CLEC1A: variants seen among roughly 807,000 people sequenced by gnomAD.
CLEC1A encodes the protein C-type lectin domain family 1 member A.
A neutral mutation model predicts 28.7 loss-of-function variants in CLEC1A; 34 were observed. The ratio of observed to expected loss-of-function variants is 1.18; its 90% CI spans 0.90 to 1.57. The LOEUF (loss-of-function observed/expected upper bound fraction) is 1.57, where lower values mean the gene tolerates loss of function less well. Among genes scored for constraint, CLEC1A ranks in the 40% most tolerant of loss-of-function variants. The pLI is 0.00. For missense variants in CLEC1A, 385 were observed against 339.5 expected (o/e 1.13, Z -1.05); for synonymous variants, 116 against 121.0 (o/e 0.96, Z 0.27).
chr12:10,082,321 A>G lies in CLEC1A; in HGVS notation c.215-908T>C, dbSNP rs1277762047. On this transcript the variant is annotated intron_variant, in intron 2 of 5. Coordinates refer to ENST00000315330, the MANE Select transcript of CLEC1A (RefSeq NM_016511.4). Reference sequence around the variant, plus strand: ...AGAGCCCCAGGCATGAGCTGCCAGGATATAAACTTCGTGGTGTTGGTGGGG... The same window carrying G: ...AGAGCCCCAGGCATGAGCTGCCAGGGTATAAACTTCGTGGTGTTGGTGGGG... Among the ~76,000 whole-genome samples, 23 of 152,206 alleles carry G rather than the reference A, an allele frequency of 1.5e-4. No homozygotes were observed. The East Asian group carries it at 4.5e-3, about 29-fold the overall frequency.
chr12:10,098,677 A>G, intron 1 of CLEC1A, 131 bp downstream of exon 1: 1 of 590,594 alleles, frequency 1.7e-6, no homozygotes, highest in Non-Finnish European at 3.0e-6. Context: ...AATCACTACT[A>G]TGTCACAGGG....
intron 2 of CLEC1A, among the ~76,000 whole-genome samples, chr12:10,082,137 G>A (rs1468595442): frequency 6.6e-6 from 1 of 152,110 alleles, no homozygotes; most frequent in Non-Finnish European, 1.5e-5. Flanking sequence ...AATTTCAACT[G>A]GATATGAATT....
intron 2 of CLEC1A, among the ~76,000 whole-genome samples, chr12:10,088,179 T>C (rs1057173782): frequency 1.3e-5 from 2 of 152,176 alleles, no homozygotes; most frequent in African/African-American, 4.8e-5. Flanking sequence ...AGATTTGAAA[T>C]TCAGGTCTCT....
intron 5 of CLEC1A, among the ~76,000 whole-genome samples, chr12:10,072,364 G>C (rs752767658): frequency 2.6e-5 from 4 of 152,172 alleles, no homozygotes; most frequent in Non-Finnish European, 4.4e-5. Flanking sequence ...ATTCATTTAT[G>C]CTGATGCAAA....
At chr12:10,077,338 T>C (rs542146255) in intron 3 of CLEC1A, among the ~76,000 whole-genome samples, 20 of 152,174 alleles carry the variant, frequency 1.3e-4, no homozygotes, top group South Asian at 2.1e-4. Context: ...GGTACAGACA[T>C]AGATATAGAT....
At position 10,071,329 on chromosome 12, in the gene CLEC1A, C is replaced by T. The variant is rs767168660; in HGVS notation, c.*4G>A. On this transcript the variant is annotated 3_prime_UTR_variant, in exon 6 of 6. Transcript: ENST00000315330. ...CTCTGCTATTTGTAGTTGCAGAGGGCGAATCAGTCACCTTCGCCTAATGTT... is the reference window on the plus strand; with the variant it reads ...CTCTGCTATTTGTAGTTGCAGAGGGTGAATCAGTCACCTTCGCCTAATGTT... The T allele has an allele frequency of 1.4e-5, 22 of 1,611,490 alleles. No individual in the cohort carries two copies. The highest frequency in any genetic ancestry group is 9.4e-5 in the African/African-American group (7 of 74,814).
chr12:10,081,972 A>C (rs1866381175), intron 2 of CLEC1A, among the ~76,000 whole-genome samples: 1 of 152,132 alleles, frequency 6.6e-6, no homozygotes, highest in African/African-American at 2.4e-5. Flanking sequence ...AAGTAGAAGA[A>C]GCAGAGGAAA....
intron 5 of CLEC1A, among the ~76,000 whole-genome samples, chr12:10,072,864 A>G (rs992456564): frequency 2.0e-5 from 3 of 152,176 alleles, no homozygotes; most frequent in African/African-American, 7.2e-5. Flanking sequence ...AAATCACTTG[A>G]GTCCAGGAGT....
At position 10,071,245 on chromosome 12, in the gene CLEC1A, T is replaced by C; in HGVS notation, c.*88A>G. On this transcript the variant is annotated 3_prime_UTR_variant, in exon 6 of 6. Coordinates refer to ENST00000315330, the MANE Select transcript of CLEC1A (RefSeq NM_016511.4). ...TACTAGTCAGAGAGATAGTCTTTCC[T>C]GATTATGTTCCATTTCCCAATGTCT... The C allele has an allele frequency of 4.8e-6, 6 of 1,253,630 alleles. No individual in the cohort carries two copies. Among genetic ancestry groups the C allele is most frequent in the Non-Finnish European group, 6.7e-6 (6 of 893,558 alleles). The allele number at this position is 1,253,630 out of a possible 1,614,324, so 77.7% of individuals were successfully genotyped here.
Position 10,075,519 on chromosome 12 carries a change from G to A in CLEC1A, c.528C>T (p.Asn176=), listed in dbSNP as rs2137332244. 1.2e-6 allele frequency: 2 copies of A among 1,613,742 alleles called. No homozygotes were observed. Among genetic ancestry groups the A allele is most frequent in the East Asian group, 4.5e-5 (2 of 44,876 alleles). ...AGAATCTTACCAGGTCTTCTTGTTTGTTTATCTTCAGCATGGTAGAGTTTT... is the reference window on the plus strand; with the variant it reads ...AGAATCTTACCAGGTCTTCTTGTTTATTTATCTTCAGCATGGTAGAGTTTT... ...LSENSTMLKI[N]KQEDLEFAAS... Residue 176 remains asparagine (N), a synonymous_variant, in exon 4 of 6, where the codon AAC becomes AAT. Coordinates refer to ENST00000315330, the MANE Select transcript of CLEC1A (RefSeq NM_016511.4).
chr12:10,088,105 G>T (rs1328879509), intron 2 of CLEC1A, among the ~76,000 whole-genome samples: 1 of 151,976 alleles, frequency 6.6e-6, no homozygotes, highest in South Asian at 2.1e-4. Flanking sequence ...TTTACAGTTT[G>T]CAATTAGGAT....
intron 2 of CLEC1A, among the ~76,000 whole-genome samples, chr12:10,086,774 A>G (rs1866499825): frequency 2.0e-5 from 3 of 152,250 alleles, no homozygotes; most frequent in African/African-American, 7.2e-5. Context: ...TCCCAAAAAT[A>G]GAGAAAGAGA....
intron 1 of CLEC1A, 40 bp downstream of exon 1, chr12:10,098,768 C>T: frequency 7.6e-7 from 1 of 1,316,896 alleles, no homozygotes; most frequent in Non-Finnish European, 1.1e-6. Context: ...ACACATTTCA[C>T]AAGGACTGTG....
rs769287545 is a variant in CLEC1A, at chr12:10,098,900, G to A, written c.23C>T (p.Thr8Met). The A allele has an allele frequency of 3.1e-6, 5 of 1,612,798 alleles. No individual in the cohort carries two copies. Among genetic ancestry groups the A allele is most frequent in the East Asian group, 2.2e-5 (1 of 44,878 alleles). ...CCCATCATCATCCAGCATGTCCCTCGTGCTGCTGTACTTGGCCTGCATCTG... is the reference window on the plus strand; with the variant it reads ...CCCATCATCATCCAGCATGTCCCTCATGCTGCTGTACTTGGCCTGCATCTG... Reference protein sequence around the residue: MQAKYSSTRDMLDDDGDT... With the variant: MQAKYSSMRDMLDDDGDT... The change falls in exon 1 of 6, where the codon ACG (threonine) becomes ATG (methionine). Residue 8 changes from threonine (T) to methionine (M), a missense_variant. By Grantham distance (81) the Thr-to-Met change is moderately conservative. Coordinates refer to ENST00000315330, the MANE Select transcript of CLEC1A (RefSeq NM_016511.4).
At position 10,085,832 on chromosome 12, in the gene CLEC1A, T is replaced by C. The variant is rs146407368; in HGVS notation, c.214+3292A>G. On this transcript the variant is annotated intron_variant, in intron 2 of 5. Coordinates refer to ENST00000315330, the MANE Select transcript of CLEC1A (RefSeq NM_016511.4). ...ACTTAAAACTATATCCTAGGACAAA[T>C]TGACTTAAAAGATATTTACAAAACA... 8.0e-4 allele frequency among the ~76,000 whole-genome samples: 122 copies of C among 152,270 alleles called. 1 individual carries two copies. The East Asian group carries it at 0.021, about 26-fold the overall frequency.
chr12:10,072,542 T>A (rs1195520654), intron 5 of CLEC1A, among the ~76,000 whole-genome samples: 1 of 152,196 alleles, frequency 6.6e-6, no homozygotes, highest in Non-Finnish European at 1.5e-5. Context: ...AGAACTCTTA[T>A]GCTATCTCTG....
rs921048572 is a variant in CLEC1A at position 10,088,995 on chromosome 12, A to T, written c.214+129T>A. The T allele has an allele frequency of 7.2e-5, 53 of 732,682 alleles. 2 individuals are homozygous for T. The South Asian group carries it at 8.1e-4, about 11-fold the overall frequency. The allele number at this position is 732,682 out of a possible 1,614,324, so 45.4% of individuals were successfully genotyped here. A position where few individuals can be genotyped will look rare whatever the true frequency, so the allele number is the denominator to read the frequency against. On this transcript the variant is annotated intron_variant, in intron 2 of 5. Transcript: ENST00000315330. ...TCACTATTTAAATAGTTGCCATTTAAAAAAAGATACACTGAATTTTCCAAA... is the reference window on the plus strand; with the variant it reads ...TCACTATTTAAATAGTTGCCATTTATAAAAAGATACACTGAATTTTCCAAA...
chr12:10,087,999 C>T (rs1418569927), intron 2 of CLEC1A, among the ~76,000 whole-genome samples: 2 of 152,052 alleles, frequency 1.3e-5, no homozygotes, highest in Non-Finnish European at 2.9e-5. Flanking sequence ...AACCGCCAAT[C>T]TGTTTATATG....
chr12:10,089,418 T>C (rs1866568075), intron 1 of CLEC1A, among the ~76,000 whole-genome samples, 196 bp from the exon 2 acceptor site: 1 of 152,142 alleles, frequency 6.6e-6, no homozygotes, highest in Non-Finnish European at 1.5e-5. Flanking sequence ...TTATCACAGC[T>C]AGATTTTCTC....
Sources: allele counts gnomAD v4.1 joint callset (sites outside exome capture counted in the v4.1 genomes callset), GRCh38; gene constraint gnomAD v4.1.1; transcripts MANE v1.5; gene names NCBI Gene and HGNC (gene_info 2026-07-23, HGNC 2026-07-21).